The following LRRC1 variants were observed in gnomAD, a reference collection of about 807,000 sequenced individuals.
LRRC1 encodes the protein leucine rich repeat containing 1.
In LRRC1, 28 loss-of-function variants were observed where a neutral mutation model predicts 69.9. The ratio of observed to expected loss-of-function variants is 0.40; its 90% CI spans 0.30 to 0.55. The LOEUF is 0.55. Ranked by LOEUF, LRRC1 falls within the 20% of genes least tolerant of loss-of-function variation. The pLI, the probability that LRRC1 is intolerant of heterozygous loss-of-function variation, is 0.47. For synonymous variants in LRRC1, 236 were observed against 240.2 expected, an observed-to-expected ratio of 0.98 and a Z score of 0.16; for missense variants, 498 against 609.0, an observed-to-expected ratio of 0.82 and a Z score of 1.92.
chr6:53,846,811 C>T (rs1765961596), intron 2 of LRRC1, among the ~76,000 whole-genome samples: 1 of 152,182 alleles, frequency 6.6e-6, no homozygotes. Context: ...TATCTGCTTT[C>T]TCTGCTAACT....
chr6:53,915,223 T>C (rs1015863591), intron 11 of LRRC1, among the ~76,000 whole-genome samples: 1 of 152,156 alleles, frequency 6.6e-6, no homozygotes, highest in African/African-American at 2.4e-5. Context: ...TAGCTGGTCA[T>C]TTTGGTCAGG....
chr6:53,798,768 C>T (rs1321741517), intron 1 of LRRC1, among the ~76,000 whole-genome samples: 1 of 152,172 alleles, frequency 6.6e-6, no homozygotes, highest in Non-Finnish European at 1.5e-5. Flanking sequence ...TGAATGTTGC[C>T]GAATCTTATA....
intron 1 of LRRC1, among the ~76,000 whole-genome samples, chr6:53,798,230 T>C (rs1326712539): frequency 1.3e-5 from 2 of 152,204 alleles, no homozygotes; most frequent in East Asian, 3.8e-4. Context: ...TTGGTTGCAG[T>C]TGGGTGATAG....
intron 1 of LRRC1, among the ~76,000 whole-genome samples, chr6:53,813,457 C>A (rs1053342506): frequency 1.3e-5 from 2 of 151,838 alleles, no homozygotes; most frequent in African/African-American, 2.4e-5. Flanking sequence ...AGAGTGCATG[C>A]CCCCTCTACA....
chr6:53,894,931 TTTTC>T (rs1176865575), intron 4 of LRRC1, among the ~76,000 whole-genome samples: 1 of 151,926 alleles, frequency 6.6e-6, no homozygotes, highest in Non-Finnish European at 1.5e-5. Context: ...GGGAGTTTTT[TTTTC>T]TTTTTTTTTT....
At chr6:53,870,615 A>G (rs1012863294) in intron 2 of LRRC1, among the ~76,000 whole-genome samples, 17 of 152,210 alleles carry the variant, frequency 1.1e-4, no homozygotes, top group African/African-American at 4.1e-4. Flanking sequence ...TTGTGACCTC[A>G]ACATTTATAA....
At chr6:53,842,036 T>C in intron 1 of LRRC1, 74 bp from the exon 2 acceptor site, 1 of 906,786 alleles carries the variant, frequency 1.1e-6, no homozygotes, top group South Asian at 1.5e-5. Flanking sequence ...GACATTGTTT[T>C]ACATTTCATA....
chr6:53,885,439 A>G (rs1361879583), intron 4 of LRRC1, among the ~76,000 whole-genome samples: 1 of 152,214 alleles, frequency 6.6e-6, no homozygotes, highest in Non-Finnish European at 1.5e-5. Flanking sequence ...CATAGAAGAC[A>G]TACCTGTTTA....
intron 1 of LRRC1, among the ~76,000 whole-genome samples, chr6:53,816,992 C>T (rs1391521039): frequency 6.6e-6 from 1 of 152,044 alleles, no homozygotes; most frequent in Non-Finnish European, 1.5e-5. Flanking sequence ...GATTTTTGAC[C>T]CCCAATTATG....
intron 2 of LRRC1, among the ~76,000 whole-genome samples, chr6:53,873,938 A>G (rs1766983002): frequency 6.6e-6 from 1 of 152,240 alleles, no homozygotes; most frequent in Non-Finnish European, 1.5e-5. Flanking sequence ...TCAGCCTTAT[A>G]GACTGCTCCT....
chr6:53,883,071 A>T, intron 4 of LRRC1, 95 bp downstream of exon 4: 1 of 727,520 alleles, frequency 1.4e-6, no homozygotes, highest in Non-Finnish European at 2.3e-6. Context: ...CTATTTGTCT[A>T]CTCAGAAAGC....
intron 2 of LRRC1, among the ~76,000 whole-genome samples, chr6:53,858,024 C>T (rs955004916): frequency 6.6e-6 from 1 of 152,174 alleles, no homozygotes; most frequent in African/African-American, 2.4e-5. Flanking sequence ...GCCATCCAGG[C>T]ATTGCTGTTG....
intron 1 of LRRC1, among the ~76,000 whole-genome samples, chr6:53,800,059 C>A (rs1764423924): frequency 6.6e-6 from 1 of 152,062 alleles, no homozygotes; most frequent in Non-Finnish European, 1.5e-5. Flanking sequence ...CAAAATGCTG[C>A]CCCAACACTT....
In LRRC1 at chr6:53,807,613, C is replaced by T. The variant is rs145364968; in HGVS notation, c.159+12198C>T. Among the ~76,000 whole-genome samples the T allele has an allele frequency of 2.5e-3, 383 of 152,208 alleles. 4 individuals carry two copies. In the East Asian group the frequency reaches 0.041, roughly 16 times the overall value. ...ATACAAAATTAGCCAGGTGTGGTGG[C>T]GCATGCCTGTAATCCCAGCTACTTG... On this transcript the variant is annotated intron_variant, in intron 1 of 13. Coordinates refer to ENST00000370888, the MANE Select transcript of LRRC1 (RefSeq NM_018214.5).
At chr6:53,815,255 A>T (rs1355428185) in intron 1 of LRRC1, among the ~76,000 whole-genome samples, 1 of 152,064 alleles carries the variant, frequency 6.6e-6, no homozygotes, top group Non-Finnish European at 1.5e-5. Flanking sequence ...TTTGGGTTGA[A>T]TGGGCCTAGG....
chr6:53,807,350 A>G (rs1179769813), intron 1 of LRRC1, among the ~76,000 whole-genome samples: 1 of 152,218 alleles, frequency 6.6e-6, no homozygotes, highest in Non-Finnish European at 1.5e-5. Flanking sequence ...CTATCTAGAA[A>G]GGCAAATAAA....
intron 2 of LRRC1, among the ~76,000 whole-genome samples, chr6:53,871,358 G>C (rs1581889111): frequency 6.6e-6 from 1 of 152,152 alleles, no homozygotes; most frequent in Non-Finnish European, 1.5e-5. Context: ...ATCTCATTGT[G>C]GTTTTGATTT....
At chr6:53,922,578 G>A (rs1253135953) in intron 13 of LRRC1, 57 bp from the exon 14 acceptor site, 19 of 1,494,610 alleles carry the variant, frequency 1.3e-5, no homozygotes, top group Non-Finnish European at 1.7e-5. Flanking sequence ...GAAGCTGCAT[G>A]TTTTGAAAAA....
At chr6:53,905,758 C>T (rs1437404494) in intron 10 of LRRC1, among the ~76,000 whole-genome samples, 1 of 152,118 alleles carries the variant, frequency 6.6e-6, no homozygotes, top group Admixed American at 6.5e-5. Context: ...GCCAGCATTT[C>T]TAAATGGAGA....
Sources: allele counts gnomAD v4.1 joint callset (sites outside exome capture counted in the v4.1 genomes callset), GRCh38; gene constraint gnomAD v4.1.1; transcripts MANE v1.5; gene names NCBI Gene and HGNC (gene_info 2026-07-23, HGNC 2026-07-21).